PXDNL: variants seen among roughly 807,000 people sequenced by gnomAD.
The protein encoded by PXDNL is peroxidasin like, also known as probable oxidoreductase PXDNL.
A neutral mutation model predicts 150.8 loss-of-function variants in PXDNL; 145 were observed. The observed-to-expected ratio is 0.96, with a 90% confidence interval of 0.84 to 1.10. The LOEUF (loss-of-function observed/expected upper bound fraction) is 1.10, where lower values mean the gene tolerates loss of function less well. Among genes scored for constraint, PXDNL ranks in the 50% least tolerant of loss-of-function variants. PXDNL has a pLI of 0.00. For missense variants in PXDNL, 2,087 were observed against 1,873.9 expected, an observed-to-expected ratio of 1.11 and a Z score of -2.10; for synonymous variants, 757 against 725.7, an observed-to-expected ratio of 1.04 and a Z score of -0.69.
At chr8:51,568,199 C>T (rs1391843290) in intron 3 of PXDNL, among the ~76,000 whole-genome samples, 1 of 151,738 alleles carries the variant, frequency 6.6e-6, no homozygotes, top group African/African-American at 2.4e-5. Context: ...TTTATTCCTT[C>T]TCTATTGCTC....
chr8:51,579,868 T>C (rs1813165773), intron 3 of PXDNL, among the ~76,000 whole-genome samples: 1 of 152,010 alleles, frequency 6.6e-6, no homozygotes, highest in African/African-American at 2.4e-5. Flanking sequence ...AAAAGGCTTT[T>C]TGTCCTTGTG....
At chr8:51,403,357 T>C (rs1293558922) in intron 17 of PXDNL, among the ~76,000 whole-genome samples, 1 of 152,184 alleles carries the variant, frequency 6.6e-6, no homozygotes, top group Non-Finnish European at 1.5e-5. Context: ...AGCAGTGAAC[T>C]CTGAGGAGTA....
intron 1 of PXDNL, among the ~76,000 whole-genome samples, chr8:51,735,526 GTTTT>G (rs777986365): frequency 1.5e-4 from 6 of 41,042 alleles, no homozygotes; most frequent in African/African-American, 3.1e-4. Context: ...ATTAAAAATT[GTTTT>G]TTTTTTTTTT....
intron 19 of PXDNL, among the ~76,000 whole-genome samples, chr8:51,369,518 G>A (rs1057351901): frequency 6.6e-6 from 1 of 151,906 alleles, no homozygotes; most frequent in East Asian, 1.9e-4. Context: ...GAAAGTACAC[G>A]GAAAAATACA....
chr8:51,440,569 ACT>A (rs1348704345), intron 12 of PXDNL, among the ~76,000 whole-genome samples: 2 of 152,120 alleles, frequency 1.3e-5, no homozygotes, highest in South Asian at 4.2e-4. Flanking sequence ...ATCCCACAAC[ACT>A]CTACATAGCT....
rs1349926589 is a variant in PXDNL at position 51,705,832 on chromosome 8, T to TGTGC, written c.165-51073_165-51072insGCAC. ...CTGTGTGTGTGTGTGTGTGTGTGTG[T>TGTGC]GCGCGCGCGCGCGCGCGCGCGTGCA... On this transcript the variant is annotated intron_variant, in intron 1 of 22. Coordinates refer to ENST00000356297, the MANE Select transcript of PXDNL (RefSeq NM_144651.5). 5.7e-3 allele frequency among the ~76,000 whole-genome samples: 860 copies of TGTGC among 149,618 alleles called. 5 individuals carry two copies. The highest frequency in any genetic ancestry group is 9.6e-3 in the Non-Finnish European group (640 of 67,002).
chr8:51,336,591 G>T (rs1805836104), intron 21 of PXDNL, among the ~76,000 whole-genome samples: 1 of 152,166 alleles, frequency 6.6e-6, no homozygotes, highest in Non-Finnish European at 1.5e-5. Flanking sequence ...CTCTACTATA[G>T]TTGCACCTGA....
intron 9 of PXDNL, among the ~76,000 whole-genome samples, chr8:51,457,275 T>C (rs779006786): frequency 2.2e-4 from 34 of 152,048 alleles, no homozygotes; most frequent in Admixed American, 3.3e-4. Flanking sequence ...AAAAGGAGAA[T>C]AGAAAAGTCT....
At chr8:51,453,151 T>C (rs1339416407) in intron 10 of PXDNL, among the ~76,000 whole-genome samples, 1 of 152,244 alleles carries the variant, frequency 6.6e-6, no homozygotes. Context: ...CTCTGTTGAG[T>C]AGACAGTTTG....
chr8:51,560,078 A>C (rs919979824), intron 3 of PXDNL, among the ~76,000 whole-genome samples: 2 of 152,030 alleles, frequency 1.3e-5, no homozygotes, highest in African/African-American at 4.8e-5. Context: ...CTTATAAATA[A>C]TAAGCTACCT....
chr8:51,450,598 G>C (rs1809785140), intron 10 of PXDNL, among the ~76,000 whole-genome samples: 1 of 152,196 alleles, frequency 6.6e-6, no homozygotes, highest in African/African-American at 2.4e-5. Flanking sequence ...CATACTGTGT[G>C]CAAGTACTAA....
chr8:51,747,607 T>A (rs987397655), intron 1 of PXDNL, among the ~76,000 whole-genome samples: 4 of 152,136 alleles, frequency 2.6e-5, no homozygotes, highest in African/African-American at 9.7e-5. Context: ...GGGTTTTGGA[T>A]AGCAATTGAA....
chr8:51,386,531 C>T (rs1807717158), intron 17 of PXDNL, among the ~76,000 whole-genome samples: 1 of 151,386 alleles, frequency 6.6e-6, no homozygotes, highest in Non-Finnish European at 1.5e-5. Flanking sequence ...TGATAGATGA[C>T]TGATAAAGAG....
intron 19 of PXDNL, among the ~76,000 whole-genome samples, chr8:51,352,957 GAGTGGGAGGA>G (rs1806398095): frequency 6.6e-6 from 1 of 152,136 alleles, no homozygotes; most frequent in South Asian, 2.1e-4. Context: ...AAAGGTAGGA[GAGTGGGAGGA>G]GAGTGAGTAT....
chr8:51,418,580 AC>A (rs1330358631), intron 14 of PXDNL, among the ~76,000 whole-genome samples: 1 of 152,230 alleles, frequency 6.6e-6, no homozygotes, highest in Non-Finnish European at 1.5e-5. Flanking sequence ...TTGGAAAATA[AC>A]TAGAACTCAC....
chr8:51,753,012 G>A (rs551685106), intron 1 of PXDNL, among the ~76,000 whole-genome samples: 4 of 152,324 alleles, frequency 2.6e-5, no homozygotes, highest in Non-Finnish European at 4.4e-5. Context: ...GCCAACATGC[G>A]GCTGCCTCCA....
intron 10 of PXDNL, among the ~76,000 whole-genome samples, chr8:51,452,955 C>CACACACACACACACAT (rs1394344171): frequency 3.9e-5 from 6 of 152,000 alleles, no homozygotes; most frequent in Non-Finnish European, 7.4e-5. Context: ...CACACACACA[C>CACACACACACACACAT]ATGCACGCAC....
At chr8:51,432,127 C>T (rs961098432) in intron 12 of PXDNL, among the ~76,000 whole-genome samples, 1 of 152,050 alleles carries the variant, frequency 6.6e-6, no homozygotes, top group Admixed American at 6.6e-5. Context: ...AATATTAAAA[C>T]TTTTTTATCT....
At chr8:51,367,050 G>A (rs1247772124) in intron 19 of PXDNL, among the ~76,000 whole-genome samples, 1 of 125,754 alleles carries the variant, frequency 8.0e-6, no homozygotes, top group African/African-American at 3.0e-5. Flanking sequence ...TCAATAAGCC[G>A]AGATCACACC....
Sources: gnomAD v4.1 joint callset for allele counts (sites outside exome capture counted in the v4.1 genomes callset) on GRCh38, gnomAD v4.1.1 for gene constraint, MANE v1.5 for transcripts, NCBI Gene and HGNC (gene_info 2026-07-23, HGNC 2026-07-21) for gene names.